Variants in PRKAG2 observed in about 807,000 individuals in gnomAD.
PRKAG2 encodes the protein protein kinase AMP-activated non-catalytic subunit gamma 2.
In PRKAG2, 26 loss-of-function variants were observed where a neutral mutation model predicts 69.6. That is an observed-to-expected ratio of 0.37 (90% confidence interval 0.27 to 0.52). The LOEUF is 0.52. Among genes scored for constraint, PRKAG2 ranks in the 20% least tolerant of loss-of-function variants. The pLI, the probability that PRKAG2 is intolerant of heterozygous loss-of-function variation, is 0.90. For missense variants in PRKAG2, 557 were observed against 740.0 expected, an observed-to-expected ratio of 0.75 and a Z score of 2.87; for synonymous variants, 293 against 285.0, an observed-to-expected ratio of 1.03 and a Z score of -0.28.
chr7:151,746,259 C>G (rs1313006413), intron 3 of PRKAG2, among the ~76,000 whole-genome samples: 2 of 152,334 alleles, frequency 1.3e-5, no homozygotes, highest in African/African-American at 4.8e-5. Context: ...TCCACCTCCT[C>G]CTGCACGTCA....
intron 4 of PRKAG2, among the ~76,000 whole-genome samples, chr7:151,643,925 T>C (rs888129208): frequency 1.3e-5 from 2 of 152,212 alleles, no homozygotes; most frequent in Non-Finnish European, 2.9e-5. Context: ...ATTAACAGCA[T>C]TTGCAATGAC....
intron 3 of PRKAG2, among the ~76,000 whole-genome samples, chr7:151,713,198 C>T (rs887880694): frequency 6.6e-5 from 10 of 152,230 alleles, no homozygotes; most frequent in Admixed American, 2.6e-4. Context: ...AGAAGGAATT[C>T]TGAGCCTGAC....
intron 1 of PRKAG2, among the ~76,000 whole-genome samples, chr7:151,808,365 T>G (rs781399508): frequency 1.3e-5 from 2 of 152,112 alleles, no homozygotes; most frequent in Non-Finnish European, 2.9e-5. Flanking sequence ...TGGGTGAAAC[T>G]GATTTGGGGG....
intron 4 of PRKAG2, among the ~76,000 whole-genome samples, chr7:151,648,440 C>G (rs759872832): frequency 2.0e-5 from 3 of 152,150 alleles, no homozygotes; most frequent in Non-Finnish European, 4.4e-5. Context: ...TGTGTGAGAA[C>G]AAGCGGAGTC....
At chr7:151,646,805 C>T (rs1346975765) in intron 4 of PRKAG2, among the ~76,000 whole-genome samples, 1 of 152,148 alleles carries the variant, frequency 6.6e-6, no homozygotes, top group Non-Finnish European at 1.5e-5. Flanking sequence ...TCATATTACA[C>T]ATGGATAGAT....
In PRKAG2 at chr7:151,781,739, C is replaced by T. The variant is rs1158725965; in HGVS notation, c.187-308G>A. Among the ~76,000 whole-genome samples, 2 of 152,144 alleles carry T rather than the reference C, an allele frequency of 1.3e-5. No individual in the cohort carries two copies. Among genetic ancestry groups the T allele is most frequent in the African/African-American group, 4.8e-5 (2 of 41,436 alleles). The stretch of plus-strand genomic sequence containing the variant: ...GAAGGGAAGCGGAGCTCAAAATGAG[C>T]GTCTCCCTCCTTTATTATGGGCCTG... On this transcript the variant is annotated intron_variant, in intron 2 of 15. Coordinates refer to ENST00000287878, the MANE Select transcript of PRKAG2 (RefSeq NM_016203.4). This position sits in a 1 kb window ranked among gnomAD's most constrained non-coding sequence, Gnocchi z 6.1.
At chr7:151,588,365 ATTTT>A (rs562565665) in intron 6 of PRKAG2, among the ~76,000 whole-genome samples, 1 of 145,012 alleles carries the variant, frequency 6.9e-6, no homozygotes, top group Non-Finnish European at 1.5e-5. Flanking sequence ...ACAAGATCTG[ATTTT>A]TTTTTTTTTT....
At chr7:151,558,477 T>C (rs1402799750) in intron 15 of PRKAG2, 11 of 983,122 alleles carry the variant, frequency 1.1e-5, no homozygotes, top group Non-Finnish European at 1.3e-5. Context: ...ACTGAAGAAA[T>C]TGGGGCTGAA....
At chr7:151,674,434 T>C (rs999369136) in intron 4 of PRKAG2, among the ~76,000 whole-genome samples, 1 of 151,958 alleles carries the variant, frequency 6.6e-6, no homozygotes, top group Non-Finnish European at 1.5e-5. Context: ...CTGAATGGAG[T>C]GGTTCCAGCC....
intron 4 of PRKAG2, among the ~76,000 whole-genome samples, chr7:151,637,321 TAA>T (rs1563318731): frequency 6.6e-6 from 1 of 152,230 alleles, no homozygotes; most frequent in Admixed American, 6.5e-5. Flanking sequence ...TCTCTTGCAA[TAA>T]TTTAAAAAAA....
intron 5 of PRKAG2, among the ~76,000 whole-genome samples, chr7:151,595,685 T>C (rs1814318467): frequency 6.6e-6 from 1 of 152,070 alleles, no homozygotes; most frequent in Non-Finnish European, 1.5e-5. Context: ...GCATACATGT[T>C]GAAAAGGAAA....
At chr7:151,644,961 A>T (rs1483738114) in intron 4 of PRKAG2, among the ~76,000 whole-genome samples, 1 of 152,154 alleles carries the variant, frequency 6.6e-6, no homozygotes, top group East Asian at 1.9e-4. Flanking sequence ...TTGGTAATTA[A>T]TGTGTTTTCT....
intron 1 of PRKAG2, among the ~76,000 whole-genome samples, chr7:151,846,842 C>G (rs1451152955): frequency 6.6e-6 from 1 of 152,218 alleles, no homozygotes; most frequent in African/African-American, 2.4e-5. Context: ...CATGACTGTT[C>G]TAAAAAGCTT....
At chr7:151,796,954 T>G (rs545801103) in intron 1 of PRKAG2, among the ~76,000 whole-genome samples, 86 of 152,268 alleles carry the variant, frequency 5.6e-4, no homozygotes, top group African/African-American at 2.0e-3. Flanking sequence ...TGGGGAGGTT[T>G]TATTGGCTCG....
At chr7:151,796,976 C>A (rs1389764776) in intron 1 of PRKAG2, among the ~76,000 whole-genome samples, 1 of 152,090 alleles carries the variant, frequency 6.6e-6, no homozygotes, top group Non-Finnish European at 1.5e-5. Flanking sequence ...AAATAAAATG[C>A]CAAACCACCA....
In PRKAG2 at chr7:151,649,734, G is replaced by A. The variant is rs1033837001; in HGVS notation, c.685-17596C>T. 2.0e-5 allele frequency among the ~76,000 whole-genome samples: 3 copies of A among 152,262 alleles called. No individual in the cohort carries two copies. In the South Asian group the frequency reaches 6.2e-4, roughly 32 times the overall value. On this transcript the variant is annotated intron_variant, in intron 4 of 15. Transcript: ENST00000287878. ...CTTGCTCCTGCTCCCGCCACGTGAG[G>A]TATGTGCGGCCCCTTCACCTTCTGC...
chr7:151,626,316 T>C (rs1822893915), intron 5 of PRKAG2, among the ~76,000 whole-genome samples: 1 of 152,150 alleles, frequency 6.6e-6, no homozygotes, highest in African/African-American at 2.4e-5. Flanking sequence ...CACCACCAAA[T>C]GTGAAGTCAC....
intron 5 of PRKAG2, among the ~76,000 whole-genome samples, chr7:151,631,235 T>C (rs1302638349): frequency 6.6e-6 from 1 of 152,232 alleles, no homozygotes; most frequent in African/African-American, 2.4e-5. Context: ...CCTTTTCAAG[T>C]CCTCGAATTG....
chr7:151,797,164 T>C (rs1396574349), intron 1 of PRKAG2, among the ~76,000 whole-genome samples: 4 of 152,010 alleles, frequency 2.6e-5, no homozygotes, highest in Non-Finnish European at 4.4e-5. Context: ...GCCTGACCTC[T>C]GCTGCAGAGG....
Sources: gnomAD v4.1 joint callset for allele counts (sites outside exome capture counted in the v4.1 genomes callset) on GRCh38, gnomAD v4.1.1 for gene constraint, Gnocchi (gnomAD v3.1) non-coding constraint, MANE v1.5 for transcripts, NCBI Gene and HGNC (gene_info 2026-07-23, HGNC 2026-07-21) for gene names.